The following CALN1 variants were observed in gnomAD, a reference collection of about 807,000 sequenced individuals.
CALN1 encodes the protein calcium-binding protein 8.
A neutral mutation model predicts 30.6 loss-of-function variants in CALN1; 17 were observed. The ratio of observed to expected loss-of-function variants is 0.56; its 90% CI spans 0.38 to 0.83. The LOEUF is 0.83. Among genes scored for constraint, CALN1 ranks in the 40% least tolerant of loss-of-function variants. The pLI, the probability that CALN1 is intolerant of heterozygous loss-of-function variation, is 0.00. For synonymous variants in CALN1, 156 were observed against 131.4 expected, an observed-to-expected ratio of 1.19 and a Z score of -1.28; for missense variants, 291 against 354.9, an observed-to-expected ratio of 0.82 and a Z score of 1.45.
intron 4 of CALN1, among the ~76,000 whole-genome samples, chr7:72,063,284 A>G (rs1233168804): frequency 6.6e-6 from 1 of 152,248 alleles, no homozygotes; most frequent in Non-Finnish European, 1.5e-5. Flanking sequence ...TTTTAGGGCC[A>G]TAACTCTCAG....
At chr7:72,338,329 CA>C (rs1213000971) in intron 2 of CALN1, among the ~76,000 whole-genome samples, 4 of 152,300 alleles carry the variant, frequency 2.6e-5, no homozygotes, top group African/African-American at 9.6e-5. Flanking sequence ...AGAAAAGATA[CA>C]TGTGAAAAAT....
the CALN1 span, among the ~76,000 whole-genome samples, chr7:72,459,056 C>T: frequency 1.3e-5 from 2 of 149,846 alleles, no homozygotes; most frequent in Non-Finnish European, 3.0e-5. Flanking sequence ...CAATTACAGG[C>T]ATGTGCCACC....
chr7:72,220,244 A>G, intron 3 of CALN1, among the ~76,000 whole-genome samples: 1 of 127,956 alleles, frequency 7.8e-6, no homozygotes, highest in Non-Finnish European at 1.6e-5. Flanking sequence ...TCCTGTGTCC[A>G]TGTGTTCTCA....
Position 72,328,298 on chromosome 7 carries a change from G to A in CALN1, c.120-49488C>T, listed in dbSNP as rs113141993. ...CCAGGTGGAGATAATTGAATCATGG[G>A]GGTGGTTTCCCCCATACTGTTCTCA... On this transcript the variant is annotated intron_variant, in intron 2 of 6. Coordinates refer to ENST00000395275, the MANE Select transcript of CALN1 (RefSeq NM_031468.4). Among the ~76,000 whole-genome samples the A allele has an allele frequency of 8.6e-3, 1,313 of 152,204 alleles. 21 individuals are homozygous for A. Among genetic ancestry groups the A allele is most frequent in the African/African-American group, 0.028 (1,178 of 41,532 alleles).
chr7:72,284,770 A>G (rs1033957904), intron 2 of CALN1, among the ~76,000 whole-genome samples: 1 of 152,158 alleles, frequency 6.6e-6, no homozygotes, highest in African/African-American at 2.4e-5. Flanking sequence ...CTGTAACTGC[A>G]TGAGCTAATT....
chr7:72,002,060 A>G (rs1298677712), intron 5 of CALN1, among the ~76,000 whole-genome samples: 1 of 152,174 alleles, frequency 6.6e-6, no homozygotes, highest in East Asian at 1.9e-4. Flanking sequence ...AACAACTACA[A>G]AAATTCTACA....
intron 5 of CALN1, among the ~76,000 whole-genome samples, chr7:71,851,562 A>G (rs1472837641): frequency 6.6e-6 from 1 of 151,888 alleles, no homozygotes; most frequent in Non-Finnish European, 1.5e-5. Context: ...ATATGAATAT[A>G]TACACACACA....
intron 2 of CALN1, among the ~76,000 whole-genome samples, chr7:72,311,579 G>C (rs979479339): frequency 6.6e-6 from 1 of 150,944 alleles, no homozygotes; most frequent in Non-Finnish European, 1.5e-5. Flanking sequence ...TCCCCGGCTC[G>C]AGCAATCCTC....
At chr7:72,457,272 A>T in the CALN1 span, among the ~76,000 whole-genome samples, 3 of 152,072 alleles carry the variant, frequency 2.0e-5, no homozygotes, top group Non-Finnish European at 2.9e-5. Flanking sequence ...TCTTTTTAAC[A>T]TGCAAAACAT....
chr7:72,014,530 T>C (rs1800271098), intron 5 of CALN1, among the ~76,000 whole-genome samples: 1 of 152,250 alleles, frequency 6.6e-6, no homozygotes. Context: ...TTAATGTTTA[T>C]TTCAAATGTC....
chr7:72,265,692 G>C (rs769878436), intron 3 of CALN1, among the ~76,000 whole-genome samples: 4 of 152,032 alleles, frequency 2.6e-5, no homozygotes, highest in African/African-American at 7.2e-5. Flanking sequence ...AATAGCTCAA[G>C]TCAAAGTCAT....
intron 1 of CALN1, among the ~76,000 whole-genome samples, chr7:72,427,743 C>T (rs1254237495): frequency 1.3e-5 from 2 of 151,938 alleles, no homozygotes; most frequent in South Asian, 2.1e-4. Flanking sequence ...GGCCTCCTGA[C>T]GTGCTGGGGT....
At chr7:72,336,028 G>C (rs930979850) in intron 2 of CALN1, among the ~76,000 whole-genome samples, 1 of 152,196 alleles carries the variant, frequency 6.6e-6, no homozygotes, top group Non-Finnish European at 1.5e-5. Flanking sequence ...CTGGGCGCCA[G>C]ACCCATCCAG....
chr7:72,336,865 C>G (rs1192942737), intron 2 of CALN1: 1 of 984,964 alleles, frequency 1.0e-6, no homozygotes, highest in Non-Finnish European at 1.2e-6. Flanking sequence ...GCCGCGTCCC[C>G]GTGCCGGCAT....
chr7:71,885,825 T>C (rs537323938), intron 5 of CALN1, among the ~76,000 whole-genome samples: 1 of 152,244 alleles, frequency 6.6e-6, no homozygotes, highest in Non-Finnish European at 1.5e-5. Flanking sequence ...TGGTTCTATT[T>C]TCATCCTTTC....
At position 72,445,156 on chromosome 7, in the gene CALN1, A is replaced by G. The variant is rs140165433; in HGVS notation, c.-226+1886T>C. 1.4e-3 allele frequency among the ~76,000 whole-genome samples: 219 copies of G among 152,120 alleles called. 1 individual carries two copies. Among genetic ancestry groups the G allele is most frequent in the African/African-American group, 4.4e-3 (183 of 41,482 alleles). ...ACACAAAGGAACAGTCTACTTAATT[A>G]CTTATTGTTAATGGGCCCCAGCTGA... On this transcript the variant is annotated intron_variant, in intron 1 of 6. Coordinates refer to the CALN1 transcript ENST00000395276.
At chr7:71,841,981 A>G (rs1009855654) in intron 5 of CALN1, among the ~76,000 whole-genome samples, 1 of 151,894 alleles carries the variant, frequency 6.6e-6, no homozygotes, top group African/African-American at 2.4e-5. Context: ...AAACCTGTAC[A>G]TGTACCTCCT....
rs140954461 is a variant in CALN1, at chr7:72,342,968, T to G, written c.119+60283A>C. ...TCTTTACAACACACATTCTCTCCTGTGTGGCTAGGGGTTTGCCACAAACTT... is the reference window on the plus strand; with the variant it reads ...TCTTTACAACACACATTCTCTCCTGGGTGGCTAGGGGTTTGCCACAAACTT... On this transcript the variant is annotated intron_variant, in intron 2 of 6. Transcript: ENST00000395275. 2.1e-3 allele frequency among the ~76,000 whole-genome samples: 322 copies of G among 152,340 alleles called. 1 individual carries two copies. Among genetic ancestry groups the G allele is most frequent in the African/African-American group, 6.9e-3 (288 of 41,574 alleles).
At chr7:71,891,394 A>G (rs773056155) in intron 5 of CALN1, among the ~76,000 whole-genome samples, 9 of 152,148 alleles carry the variant, frequency 5.9e-5, no homozygotes, top group Non-Finnish European at 1.2e-4. Context: ...TGTTCAAGGG[A>G]GCCTTGTTCC....
Sources: allele counts gnomAD v4.1 joint callset (sites outside exome capture counted in the v4.1 genomes callset), GRCh38; gene constraint gnomAD v4.1.1; transcripts MANE v1.5; gene names NCBI Gene and HGNC (gene_info 2026-07-23, HGNC 2026-07-21).